Variants in MDH1 observed in about 807,000 individuals in gnomAD.
MDH1 encodes malate dehydrogenase 1.
A neutral mutation model predicts 38.7 loss-of-function variants in MDH1; 15 were observed. That is an observed-to-expected ratio of 0.39 (90% CI 0.26 to 0.60). The LOEUF is 0.60. MDH1 is among the 20% of genes least tolerant of loss of function. MDH1 has a pLI of 0.56. For missense variants in MDH1, 368 were observed against 405.2 expected (o/e 0.91, Z 0.79); for synonymous variants, 144 against 143.6 (o/e 1.00, Z -0.02).
intron 1 of MDH1, chr2:63,590,951 A>G (rs1314239285): frequency 1.3e-5 from 2 of 152,244 alleles, no homozygotes; most frequent in Non-Finnish European, 2.9e-5. Context: ...AATAAACTGT[A>G]TGAAGGAATC....
chr2:63,594,945 G>C (rs914128347), intron 2 of MDH1: 2 of 254,286 alleles, frequency 7.9e-6, no homozygotes, highest in Non-Finnish European at 1.5e-5. Flanking sequence ...AAAGAGTAAG[G>C]AAATCTGCTT....
rs901789376 is a variant in MDH1 at position 63,589,054 on chromosome 2, TG to T, written c.3+11del. On this transcript the variant is annotated intron_variant, in intron 1 of 8. Transcript: ENST00000233114. ...CCGCAGTTTTCAATCATGGTGAGTG[TG>T]GGCCCCGGGTTCCTGCCCACCTCTG... The T allele has an allele frequency of 6.2e-7, 1 of 1,614,072 alleles. No homozygotes were observed. The highest frequency in any genetic ancestry group is 8.5e-7 in the Non-Finnish European group (1 of 1,179,902).
In MDH1 at chr2:63,597,503, C is replaced by G. The variant is rs750401274; in HGVS notation, c.304C>G (p.Leu102Val). ...GGAAGGCATGGAGAGAAAAGATTTA[C>G]TGAAAGCAAATGTGAAAATCTTCAA... ...RREGMERKDL[L>V]KANVKIFKSQ... The change falls in exon 4 of 9, where the codon CTG becomes GTG. Residue 102 changes from leucine to valine, a missense_variant. Leu to Val is a conservative substitution (Grantham distance 32). Coordinates refer to ENST00000233114, the MANE Select transcript of MDH1 (RefSeq NM_005917.4). The G allele has an allele frequency of 6.6e-7, 1 of 1,521,072 alleles. No homozygotes were observed. The highest frequency in any genetic ancestry group is 1.3e-5 in the South Asian group (1 of 77,518). 94.2% of individuals were successfully genotyped at this position (1,521,072 alleles called of 1,614,324 possible). A position where few individuals can be genotyped will look rare whatever the true frequency, so the allele number is the denominator to read the frequency against.
intron 2 of MDH1, 89 bp downstream of exon 2, chr2:63,594,675 C>T: frequency 1.1e-6 from 1 of 912,296 alleles, no homozygotes; most frequent in African/African-American, 1.7e-5. Context: ...AATTGTTAAA[C>T]AGTGAAGGAA....
chr2:63,605,357 T>C lies in MDH1; in HGVS notation c.753T>C (p.Cys251=), dbSNP rs1482413921. The change falls in exon 7 of 9, where the codon TGT becomes TGC. Residue 251 remains cysteine (C), a synonymous_variant. Coordinates refer to ENST00000233114, the MANE Select transcript of MDH1 (RefSeq NM_005917.4). ...CCATGTCTGCTGCAAAAGCCATCTG[T>C]GACCACGTCAGGGACATCTGGTTTG... The part of the protein sequence containing the change: ...SSAMSAAKAI[C]DHVRDIWFGT... 4.3e-6 allele frequency: 7 copies of C among 1,614,212 alleles called. No homozygotes were observed. Among genetic ancestry groups the C allele is most frequent in the Non-Finnish European group, 5.9e-6 (7 of 1,180,014 alleles).
At chr2:63,606,484 A>C (rs1709530930) in intron 8 of MDH1, among the ~76,000 whole-genome samples, 1 of 152,210 alleles carries the variant, frequency 6.6e-6, no homozygotes, top group Non-Finnish European at 1.5e-5. Flanking sequence ...AGGTCATTGA[A>C]AGTTTTTATG....
chr2:63,602,664 G>C (rs966960439), intron 5 of MDH1, among the ~76,000 whole-genome samples: 4 of 151,968 alleles, frequency 2.6e-5, no homozygotes, highest in African/African-American at 9.7e-5. Flanking sequence ...ACTCACAAAA[G>C]AACTCCTTCA....
Position 63,604,870 on chromosome 2 carries a change from A to G in MDH1, c.673A>G (p.Thr225Ala), listed in dbSNP as rs767992630. 2.4e-5 allele frequency: 38 copies of G among 1,613,952 alleles called. No homozygotes were observed. Among genetic ancestry groups the G allele is most frequent in the Non-Finnish European group, 2.8e-5 (33 of 1,179,998 alleles). ...DDSWLKGEFV[T>A]TVQQRGAAVI... ...CAGCTGGCTCAAGGGAGAATTTGTC[A>G]CGGTAAGAAAAATCTGTGAGCCTTC... The change falls in exon 6 of 9, where the codon ACG (threonine) becomes GCG (alanine). Residue 225 changes from threonine to alanine, a missense_variant and splice_region_variant. Thr to Ala is a moderately conservative substitution (Grantham distance 58). Transcript: ENST00000233114.
rs529902579 is a variant in MDH1, at chr2:63,595,281, C to T, written c.103-142C>T. The T allele has an allele frequency of 2.9e-5, 20 of 688,616 alleles. No homozygotes were observed. The South Asian group carries it at 3.0e-4, about 10-fold the overall frequency. 42.7% of individuals were successfully genotyped at this position (688,616 alleles called of 1,614,324 possible). A position where few individuals can be genotyped will look rare whatever the true frequency, so the allele number is the denominator to read the frequency against. ...TCTGAAAGTGGCATAGTGCTAGATA[C>T]CTGACCTCCTAAAATAATCATCATG... is the stretch of plus-strand genomic sequence containing the variant. On this transcript the variant is annotated intron_variant, in intron 2 of 8. Transcript: ENST00000233114.
Position 63,606,956 on chromosome 2 carries a change from A to G in MDH1, c.974A>G (p.Glu325Gly), listed in dbSNP as rs1208635161. ...LTAKELTEEK[E>G]SAFEFLSSA Reference sequence around the variant, plus strand: ...GCAAAGGAACTGACAGAAGAAAAAGAAAGTGCTTTTGAATTTCTTTCCTCT... The same window carrying G: ...GCAAAGGAACTGACAGAAGAAAAAGGAAGTGCTTTTGAATTTCTTTCCTCT... The change falls in exon 9 of 9, where the codon GAA becomes GGA. Residue 325 changes from glutamate to glycine, a missense_variant. Glu to Gly is a moderately conservative substitution (Grantham distance 98). Coordinates refer to ENST00000233114, the MANE Select transcript of MDH1 (RefSeq NM_005917.4). 6.2e-7 allele frequency: 1 copy of G among 1,612,720 alleles called. No individual in the cohort carries two copies. The highest frequency in any genetic ancestry group is 1.3e-5 in the African/African-American group (1 of 74,892).
chr2:63,605,861 C>A (rs1709517081), intron 7 of MDH1, 78 bp from the exon 8 acceptor site: 7 of 1,177,794 alleles, frequency 5.9e-6, no homozygotes, highest in Non-Finnish European at 9.0e-6. Flanking sequence ...GAAAGGGTCA[C>A]CTGGTTTAAT....
intron 7 of MDH1, 33 bp from the exon 8 acceptor site, chr2:63,605,906 C>A: frequency 6.5e-7 from 1 of 1,545,564 alleles, no homozygotes. Context: ...GTAAACTAAT[C>A]ATCATGAGTA....
Position 63,599,305 on chromosome 2 carries a change from T to C in MDH1, c.498+13T>C, listed in dbSNP as rs1575723600. ...AGCTAAAGCTCAAGTAAGAAAAATA[T>C]ATTTTAAATCTTGTGGTTGTTCAAC... On this transcript the variant is annotated intron_variant, in intron 5 of 8. Coordinates refer to ENST00000233114, the MANE Select transcript of MDH1 (RefSeq NM_005917.4). 1 of 1,606,202 alleles carries C rather than the reference T, an allele frequency of 6.2e-7. No homozygotes were observed. Among genetic ancestry groups the C allele is most frequent in the East Asian group, 2.2e-5 (1 of 44,522 alleles).
chr2:63,605,426 A>G (rs1266157893), intron 7 of MDH1, 33 bp downstream of exon 7: 1 of 1,457,850 alleles, frequency 6.9e-7, no homozygotes. Context: ...AGGTCACTCT[A>G]TTTTATTTTT....
At chr2:63,593,614 C>T (rs1234313420) in intron 1 of MDH1, 1 of 471,686 alleles carries the variant, frequency 2.1e-6, no homozygotes, top group Non-Finnish European at 4.4e-6. Context: ...ATCAGTGGAC[C>T]ATTTCTCCAT....
At chr2:63,596,073 A>G (rs981546953) in intron 3 of MDH1, among the ~76,000 whole-genome samples, 1 of 152,210 alleles carries the variant, frequency 6.6e-6, no homozygotes, top group African/African-American at 2.4e-5. Context: ...AGAAGAGCTC[A>G]GCTAAGGGCC....
intron 8 of MDH1, 141 bp from the exon 9 acceptor site, chr2:63,606,721 A>T: frequency 2.3e-6 from 1 of 438,328 alleles, no homozygotes; most frequent in East Asian, 4.1e-5. Context: ...AGAATTATCT[A>T]TTAATTAAAA....
chr2:63,589,155 C>T, intron 1 of MDH1, 109 bp downstream of exon 1: 2 of 1,612,204 alleles, frequency 1.2e-6, no homozygotes, highest in Non-Finnish European at 1.7e-6. Context: ...CACTGTCCTT[C>T]GCGCCCTTTG....
chr2:63,590,815 C>G (rs896010981), intron 1 of MDH1: 12 of 152,146 alleles, frequency 7.9e-5, no homozygotes, highest in African/African-American at 2.7e-4. Flanking sequence ...CAAACTCACA[C>G]ATGACTCAAT....
Sources: gnomAD v4.1 joint callset for allele counts (sites outside exome capture counted in the v4.1 genomes callset) on GRCh38, gnomAD v4.1.1 for gene constraint, MANE v1.5 for transcripts, NCBI Gene and HGNC (gene_info 2026-07-23, HGNC 2026-07-21) for gene names.